EXT1: variants seen among roughly 807,000 people sequenced by gnomAD.
The protein encoded by EXT1 is exostosin glycosyltransferase 1, also known as exostosin-1.
Under a neutral mutation model 82.5 loss-of-function variants are expected in EXT1, and 20 were observed. The ratio of observed to expected loss-of-function variants is 0.24; its 90% CI spans 0.17 to 0.35. EXT1 has a LOEUF of 0.35. Ranked by LOEUF, EXT1 falls within the 10% of genes least tolerant of loss-of-function variation. The pLI is 1.00. For synonymous variants in EXT1, 348 were observed against 350.8 expected, an observed-to-expected ratio of 0.99 and a Z score of 0.09; for missense variants, 757 against 936.5, an observed-to-expected ratio of 0.81 and a Z score of 2.50.
At chr8:118,059,860 C>A (rs1459813624) in intron 1 of EXT1, among the ~76,000 whole-genome samples, 1 of 152,144 alleles carries the variant, frequency 6.6e-6, no homozygotes, top group Non-Finnish European at 1.5e-5. Flanking sequence ...AGAGAAAAGA[C>A]CTCAATGCAT....
At chr8:117,819,386 G>T (rs1255795616) in intron 6 of EXT1, among the ~76,000 whole-genome samples, 2 of 152,108 alleles carry the variant, frequency 1.3e-5, no homozygotes, top group East Asian at 3.9e-4. Context: ...TCATGTGCTT[G>T]TATCTTCTTT....
intron 1 of EXT1, among the ~76,000 whole-genome samples, chr8:117,988,605 A>G (rs1309578599): frequency 6.6e-6 from 1 of 152,182 alleles, no homozygotes; most frequent in East Asian, 1.9e-4. Flanking sequence ...AAAACAGTGC[A>G]GGCCTGAGCT....
intron 1 of EXT1, among the ~76,000 whole-genome samples, chr8:118,072,415 T>C (rs1817111667): frequency 6.6e-6 from 1 of 152,184 alleles, no homozygotes; most frequent in African/African-American, 2.4e-5. Flanking sequence ...CTCTACATAA[T>C]TTAGCATTTA....
chr8:117,845,051 G>A (rs1812331349), intron 1 of EXT1, among the ~76,000 whole-genome samples: 1 of 152,130 alleles, frequency 6.6e-6, no homozygotes, highest in Non-Finnish European at 1.5e-5. Flanking sequence ...CCAGGGCCAG[G>A]AATTTATATT....
At chr8:117,829,733 C>T (rs1490485548) in intron 4 of EXT1, among the ~76,000 whole-genome samples, 1 of 151,860 alleles carries the variant, frequency 6.6e-6, no homozygotes, top group African/African-American at 2.4e-5. Flanking sequence ...GCCACCATGC[C>T]TGGCTAATTT....
At chr8:117,968,827 C>CA (rs1814881816) in intron 1 of EXT1, among the ~76,000 whole-genome samples, 1 of 64,562 alleles carries the variant, frequency 1.5e-5, no homozygotes, top group Non-Finnish European at 2.5e-5. Context: ...CCTCGGCCTC[C>CA]CAAAGTGCTG....
intron 1 of EXT1, among the ~76,000 whole-genome samples, chr8:117,986,629 A>G (rs1241954156): frequency 6.6e-6 from 1 of 152,218 alleles, no homozygotes; most frequent in Non-Finnish European, 1.5e-5. Flanking sequence ...TAAAGAGAGG[A>G]ACTTCAAATT....
chr8:118,007,941 C>T (rs947959338), intron 1 of EXT1, among the ~76,000 whole-genome samples: 3 of 152,108 alleles, frequency 2.0e-5, no homozygotes, highest in South Asian at 2.1e-4. Context: ...AGAGGAGGCA[C>T]GCAGGTGGAA....
intron 1 of EXT1, among the ~76,000 whole-genome samples, chr8:117,928,673 T>A (rs971200530): frequency 2.0e-5 from 3 of 151,956 alleles, no homozygotes; most frequent in African/African-American, 7.2e-5. Flanking sequence ...AGATATCACA[T>A]CTAATAATTT....
intron 1 of EXT1, among the ~76,000 whole-genome samples, chr8:117,955,887 A>C (rs1814576583): frequency 1.3e-5 from 2 of 152,118 alleles, no homozygotes; most frequent in Non-Finnish European, 2.9e-5. Context: ...TGTCACATTT[A>C]CCAAGAGTGT....
chr8:118,062,573 G>A (rs899204987), intron 1 of EXT1, among the ~76,000 whole-genome samples: 1 of 152,102 alleles, frequency 6.6e-6, no homozygotes, highest in Non-Finnish European at 1.5e-5. Context: ...CATTCAAAGT[G>A]GAAGGAATCA....
intron 1 of EXT1, among the ~76,000 whole-genome samples, chr8:117,944,346 G>C (rs1814345044): frequency 6.6e-6 from 1 of 152,206 alleles, no homozygotes; most frequent in South Asian, 2.1e-4. Context: ...GTTGCAGTGA[G>C]CAAGATTGTG....
At position 117,796,314 on chromosome 8, in the gene EXT1, C is replaced by A. The variant is rs1437670524; in HGVS notation, c.*3398G>T. 1.3e-5 allele frequency: 2 copies of A among 151,804 alleles called. No homozygotes were observed. Among genetic ancestry groups the A allele is most frequent in the African/African-American group, 4.8e-5 (2 of 41,298 alleles). The allele number at this position is 151,804 out of a possible 1,614,324, so 9.4% of individuals were successfully genotyped here. On this transcript the variant is annotated 3_prime_UTR_variant, in exon 11 of 11. Coordinates refer to ENST00000378204, the MANE Select transcript of EXT1 (RefSeq NM_000127.3). ...CCAACCTAGTAAGGCTGTCTTCCCC[C>A]TGATCCTGCCCTTTAAACAGGTTTG...
At chr8:117,836,299 G>C (rs534378616) in intron 2 of EXT1, among the ~76,000 whole-genome samples, 1 of 152,322 alleles carries the variant, frequency 6.6e-6, no homozygotes, top group East Asian at 1.9e-4. Flanking sequence ...CACACACAGA[G>C]AGCAACTTGG....
intron 8 of EXT1, among the ~76,000 whole-genome samples, chr8:117,808,275 A>G (rs546722311): frequency 2.2e-4 from 34 of 152,370 alleles, no homozygotes; most frequent in African/African-American, 7.7e-4. Context: ...ATAATTGTGA[A>G]ATGTTATAAT....
intron 1 of EXT1, among the ~76,000 whole-genome samples, chr8:118,046,136 C>T (rs1816618952): frequency 1.3e-5 from 2 of 150,280 alleles, no homozygotes; most frequent in African/African-American, 4.9e-5. Flanking sequence ...TAACTAGGGT[C>T]TTGGGGTATC....
intron 1 of EXT1, among the ~76,000 whole-genome samples, chr8:117,852,056 T>C (rs1203186480): frequency 6.6e-6 from 1 of 152,204 alleles, no homozygotes. Flanking sequence ...GGCCATTTGC[T>C]CTTCCAAAAA....
At chr8:117,870,418 A>G (rs1313544847) in intron 1 of EXT1, among the ~76,000 whole-genome samples, 1 of 150,826 alleles carries the variant, frequency 6.6e-6, no homozygotes, top group Non-Finnish European at 1.5e-5. Context: ...GGACTTTCCT[A>G]GGCACAGGGG....
chr8:117,858,704 GAAAA>G (rs1306253530), intron 1 of EXT1, among the ~76,000 whole-genome samples: 1 of 134,132 alleles, frequency 7.5e-6, no homozygotes, highest in East Asian at 2.2e-4. Flanking sequence ...AAGAAAGAAA[GAAAA>G]GAAAGAAGGA....
Sources: gnomAD v4.1 joint callset for allele counts (sites outside exome capture counted in the v4.1 genomes callset) on GRCh38, gnomAD v4.1.1 for gene constraint, MANE v1.5 for transcripts, NCBI Gene and HGNC (gene_info 2026-07-23, HGNC 2026-07-21) for gene names.